APBB2: variants seen among roughly 807,000 people sequenced by gnomAD.
APBB2 encodes amyloid beta precursor protein binding family B member 2.
Under a neutral mutation model 82.5 loss-of-function variants are expected in APBB2, and 38 were observed. That is an observed-to-expected ratio of 0.46 (90% CI 0.36 to 0.60). The LOEUF is 0.60. Among genes scored for constraint, APBB2 ranks in the 20% least tolerant of loss-of-function variants. APBB2 has a pLI of 0.00. For missense variants in APBB2, 772 were observed against 972.3 expected (o/e 0.79, Z 2.74); for synonymous variants, 341 against 368.2 (o/e 0.93, Z 0.85).
intron 6 of APBB2, among the ~76,000 whole-genome samples, chr4:40,991,615 T>C (rs1405368130): frequency 3.3e-5 from 5 of 152,142 alleles, no homozygotes; most frequent in Non-Finnish European, 5.9e-5. Context: ...GAGGTCATTT[T>C]TGTTTGTTTT....
chr4:41,115,867 G>A (rs1418305033), intron 2 of APBB2, among the ~76,000 whole-genome samples: 6 of 152,176 alleles, frequency 3.9e-5, no homozygotes, highest in Non-Finnish European at 8.8e-5. Flanking sequence ...ACTGTTGGTG[G>A]GAGTGTAAAT....
At chr4:40,924,610 G>T (rs1272967619) in intron 10 of APBB2, among the ~76,000 whole-genome samples, 1 of 152,182 alleles carries the variant, frequency 6.6e-6, no homozygotes, top group Non-Finnish European at 1.5e-5. Context: ...GCCACATGGA[G>T]AGGCCCTGGA....
intron 6 of APBB2, among the ~76,000 whole-genome samples, chr4:40,971,587 A>G (rs73809211): frequency 0.011 from 1,690 of 152,294 alleles, 35 homozygotes; most frequent in African/African-American, 0.039. Flanking sequence ...GGCTTCTGCA[A>G]TATTTTTCCC....
Position 40,813,543 on chromosome 4 carries a change from T to C in APBB2, c.*2549A>G, listed in dbSNP as rs1235926975. On this transcript the variant is annotated 3_prime_UTR_variant, in exon 18 of 18. Transcript: ENST00000508593. ...GTCTGAACATACTCTTTAACATAAT[T>C]TTACAAAATTAATTTGCATTTACTA... The C allele has an allele frequency of 6.6e-6, 1 of 152,206 alleles. No homozygotes were observed. The highest frequency in any genetic ancestry group is 1.5e-5 in the Non-Finnish European group (1 of 68,038). The allele number at this position is 152,206 out of a possible 1,614,324, so 9.4% of individuals were successfully genotyped here.
intron 12 of APBB2, among the ~76,000 whole-genome samples, chr4:40,861,149 G>A (rs1322753618): frequency 3.3e-5 from 5 of 151,956 alleles, no homozygotes; most frequent in South Asian, 2.1e-4. Flanking sequence ...CCAGGAGTTC[G>A]AGACCAGCCT....
chr4:41,152,696 T>C (rs112433214), intron 1 of APBB2, among the ~76,000 whole-genome samples: 35 of 152,324 alleles, frequency 2.3e-4, no homozygotes, highest in African/African-American at 7.7e-4. Context: ...TCTTTGATTC[T>C]GAATGCCGAT....
chr4:40,861,258 G>A (rs1430927079), intron 12 of APBB2, among the ~76,000 whole-genome samples: 1 of 152,088 alleles, frequency 6.6e-6, no homozygotes, highest in East Asian at 1.9e-4. Flanking sequence ...GCTGAGGCAG[G>A]AGAATCACTT....
At chr4:41,117,410 A>G (rs978535367) in intron 2 of APBB2, among the ~76,000 whole-genome samples, 6 of 150,850 alleles carry the variant, frequency 4.0e-5, no homozygotes, top group African/African-American at 1.5e-4. Context: ...CTCCTGCCTC[A>G]GCCTCTCGAA....
At chr4:40,967,221 G>T (rs530759212) in intron 6 of APBB2, among the ~76,000 whole-genome samples, 26 of 152,242 alleles carry the variant, frequency 1.7e-4, no homozygotes, top group African/African-American at 6.0e-4. Flanking sequence ...ACTCAATAAA[G>T]CACCTCTTCA....
chr4:41,190,464 G>C (rs1280729635), intron 1 of APBB2, among the ~76,000 whole-genome samples: 2 of 151,794 alleles, frequency 1.3e-5, no homozygotes, highest in Non-Finnish European at 2.9e-5. Context: ...TGGCCAGGCT[G>C]GTCTTCAAAC....
chr4:40,951,816 G>A (rs1578696254), intron 6 of APBB2, among the ~76,000 whole-genome samples: 1 of 152,144 alleles, frequency 6.6e-6, no homozygotes, highest in Admixed American at 6.5e-5. Context: ...CAGCACATTC[G>A]AGTCACTAAA....
At chr4:40,825,764 G>A (rs1366969479) in intron 15 of APBB2, 123 bp downstream of exon 15, 10 of 740,418 alleles carry the variant, frequency 1.4e-5, no homozygotes, top group African/African-American at 3.5e-5. Flanking sequence ...GTGACAGTGT[G>A]ACAGTTTGAT....
intron 4 of APBB2, among the ~76,000 whole-genome samples, chr4:41,060,289 A>G (rs1312212883): frequency 6.6e-6 from 1 of 152,238 alleles, no homozygotes; most frequent in African/African-American, 2.4e-5. Context: ...AAAGAGAACC[A>G]TGTGTGTTGG....
At chr4:40,995,893 C>G (rs1248079891) in intron 6 of APBB2, among the ~76,000 whole-genome samples, 1 of 152,002 alleles carries the variant, frequency 6.6e-6, no homozygotes, top group Admixed American at 6.6e-5. Context: ...TGGTGTTGAA[C>G]TCCTGGCCTC....
chr4:40,944,129 T>G (rs964802530), intron 7 of APBB2, among the ~76,000 whole-genome samples: 4 of 152,256 alleles, frequency 2.6e-5, no homozygotes, highest in African/African-American at 7.2e-5. Context: ...CAGAAATGCC[T>G]GGGTGTCAGG....
chr4:41,004,729 C>T (rs576197015), intron 6 of APBB2, among the ~76,000 whole-genome samples: 15 of 143,874 alleles, frequency 1.0e-4, no homozygotes, highest in East Asian at 2.3e-4. Flanking sequence ...CCTAGCTACT[C>T]GGGAGGCTGA....
intron 12 of APBB2, among the ~76,000 whole-genome samples, chr4:40,867,039 A>T (rs1396823392): frequency 6.6e-6 from 1 of 152,194 alleles, no homozygotes; most frequent in Non-Finnish European, 1.5e-5. Context: ...TACAGGCATG[A>T]GCCACCATGC....
At chr4:41,054,873 C>A (rs1727295716) in intron 4 of APBB2, among the ~76,000 whole-genome samples, 3 of 152,092 alleles carry the variant, frequency 2.0e-5, no homozygotes, top group Admixed American at 2.0e-4. Context: ...GTGCTGTCTG[C>A]ATGCTGCTCT....
chr4:40,985,318 A>T (rs1560457873), intron 6 of APBB2, among the ~76,000 whole-genome samples: 1 of 152,176 alleles, frequency 6.6e-6, no homozygotes, highest in African/African-American at 2.4e-5. Flanking sequence ...ATAAAATTTC[A>T]ATCTATCTAT....
Sources: allele counts gnomAD v4.1 joint callset (sites outside exome capture counted in the v4.1 genomes callset), GRCh38; gene constraint gnomAD v4.1.1; transcripts MANE v1.5; gene names NCBI Gene and HGNC (gene_info 2026-07-23, HGNC 2026-07-21).